GDAP1: variants seen among roughly 807,000 people sequenced by gnomAD.
The protein encoded by GDAP1 is ganglioside-induced differentiation-associated protein 1.
Under a neutral mutation model 40.1 loss-of-function variants are expected in GDAP1, and 34 were observed. The observed-to-expected ratio is 0.85, with a 90% CI of 0.64 to 1.13. The LOEUF (loss-of-function observed/expected upper bound fraction) is 1.13. GDAP1 is among the 50% of genes most tolerant of loss of function. GDAP1 has a pLI of 0.00. For synonymous variants in GDAP1, 170 were observed against 157.4 expected, an observed-to-expected ratio of 1.08 and a Z score of -0.60; for missense variants, 374 against 433.7, an observed-to-expected ratio of 0.86 and a Z score of 1.22.
chr8:74,415,758 T>C (rs1805770296), intron 2 of GDAP1, among the ~76,000 whole-genome samples: 2 of 149,964 alleles, frequency 1.3e-5, no homozygotes, highest in South Asian at 2.1e-4. Flanking sequence ...TTCCTGACCT[T>C]ACTTCACAGT....
intron 2 of GDAP1, among the ~76,000 whole-genome samples, chr8:74,449,828 T>G (rs1364892616): frequency 2.0e-5 from 3 of 151,790 alleles, no homozygotes; most frequent in Non-Finnish European, 3.0e-5. Context: ...TGTTGTAAAA[T>G]TTCTTTAAGT....
chr8:74,371,367 A>T (rs1243322114), downstream of GDAP1, among the ~76,000 whole-genome samples: 2 of 152,232 alleles, frequency 1.3e-5, no homozygotes, highest in Non-Finnish European at 1.5e-5. Flanking sequence ...TCATAAGGGA[A>T]TAAGAAAATA....
At chr8:74,488,058 G>A (rs1208452999) in intron 2 of GDAP1, among the ~76,000 whole-genome samples, 1 of 152,064 alleles carries the variant, frequency 6.6e-6, no homozygotes. Context: ...GCAATGTACT[G>A]CTTTTGCTAG....
At chr8:74,369,470 A>G (rs772807545), downstream of GDAP1, among the ~76,000 whole-genome samples, 2 of 152,160 alleles carry the variant, frequency 1.3e-5, no homozygotes, top group Non-Finnish European at 2.9e-5. Context: ...CATAAGTGAA[A>G]AATTCATTGG....
chr8:74,401,124 C>T (rs1218779754), intron 2 of GDAP1, among the ~76,000 whole-genome samples: 2 of 149,174 alleles, frequency 1.3e-5, no homozygotes, highest in African/African-American at 5.2e-5. Context: ...GGGAAGTTCT[C>T]CTGGATAATA....
chr8:74,423,636 TG>T (rs1222990864), intron 2 of GDAP1, among the ~76,000 whole-genome samples: 1 of 151,950 alleles, frequency 6.6e-6, no homozygotes, highest in African/African-American at 2.4e-5. Flanking sequence ...GATGCAAACG[TG>T]GGGTATCCTC....
intron 2 of GDAP1, among the ~76,000 whole-genome samples, chr8:74,459,573 G>A (rs992432012): frequency 6.6e-6 from 1 of 152,140 alleles, no homozygotes; most frequent in African/African-American, 2.4e-5. Flanking sequence ...GGGTGAATCA[G>A]GGTTTGTGGA....
chr8:74,351,545 C>G (rs1303895203), intron 2 of GDAP1, 79 bp downstream of exon 2: 2 of 1,039,366 alleles, frequency 1.9e-6, no homozygotes, highest in African/African-American at 1.6e-5. Flanking sequence ...TTCTCTCTCT[C>G]CTCTCTCTCT....
intron 2 of GDAP1, among the ~76,000 whole-genome samples, chr8:74,470,060 T>A (rs762902703): frequency 4.6e-5 from 7 of 152,210 alleles, no homozygotes; most frequent in African/African-American, 7.2e-5. Context: ...TTGGGGGACT[T>A]AGCTTTTATC....
At chr8:74,422,352 C>CTTTCCTTCCTTCCTT (rs1563465558) in intron 2 of GDAP1, among the ~76,000 whole-genome samples, 1 of 34,222 alleles carries the variant, frequency 2.9e-5, no homozygotes, top group Non-Finnish European at 6.1e-5. Flanking sequence ...TTTCTTTCTT[C>CTTTCCTTCCTTCCTT]CCTTCCTTCC....
Position 74,366,010 on chromosome 8 carries a change from G to A in GDAP1, c.*1643G>A. 4.4e-6 allele frequency: 2 copies of A among 451,250 alleles called. No individual in the cohort carries two copies. Among genetic ancestry groups the A allele is most frequent in the Non-Finnish European group, 8.8e-6 (2 of 226,104 alleles). The allele number at this position is 451,250 out of a possible 1,614,324, so 28.0% of individuals were successfully genotyped here. ...TGTCACTCTGTTAGAAACAAGAACT[G>A]AGTCGTGAAGAAATAAGAATTGGAT... On this transcript the variant is annotated 3_prime_UTR_variant, in exon 6 of 6. Transcript: ENST00000220822.
At chr8:74,478,010 C>T (rs970291636) in intron 2 of GDAP1, among the ~76,000 whole-genome samples, 2 of 151,704 alleles carry the variant, frequency 1.3e-5, no homozygotes, top group African/African-American at 2.4e-5. Context: ...TGCGCACATT[C>T]GAGTCAGTGG....
rs555185487 is a variant in GDAP1 at position 74,402,327 on chromosome 8, C to T, written c.165+51006C>T. ...CTCAGACAGCAGTGCTAGCAATCAG[C>T]GAGACTCCGTGGGCGTAGGACCCTC... On this transcript the variant is annotated intron_variant, in intron 2 of 2. Transcript: ENST00000523640. 4.0e-5 allele frequency among the ~76,000 whole-genome samples: 6 copies of T among 150,462 alleles called. 1 individual carries two copies. Among genetic ancestry groups the T allele is most frequent in the South Asian group, 4.1e-4 (2 of 4,828 alleles).
chr8:74,428,537 G>GC (rs1421448338), intron 2 of GDAP1, among the ~76,000 whole-genome samples: 1 of 149,610 alleles, frequency 6.7e-6, no homozygotes, highest in Non-Finnish European at 1.5e-5. Context: ...CATGATCTCG[G>GC]CCCCCTGCAA....
chr8:74,362,968 G>C lies in GDAP1; in HGVS notation c.609G>C (p.Lys203Asn). Residue 203 changes from lysine to asparagine, a missense_variant, in exon 5 of 6, where the codon AAG becomes AAC. By Grantham distance (94) the Lys-to-Asn change is moderately conservative. Coordinates refer to ENST00000220822, the MANE Select transcript of GDAP1 (RefSeq NM_018972.4). Reference protein sequence around the residue: ...KSKLLDHDNVKYLKKILDELE... With the variant: ...KSKLLDHDNVNYLKKILDELE... ...AGCTGCTTGATCATGACAATGTCAA[G>C]TATTTGAAGAAAATTCTTGATGAGT... is the stretch of plus-strand genomic sequence containing the variant. 1 of 1,567,234 alleles carries C rather than the reference G, an allele frequency of 6.4e-7. No homozygotes were observed. Among genetic ancestry groups the C allele is most frequent in the Non-Finnish European group, 8.8e-7 (1 of 1,137,360 alleles).
chr8:74,418,549 A>G (rs1448387982), intron 2 of GDAP1, among the ~76,000 whole-genome samples: 1 of 152,228 alleles, frequency 6.6e-6, no homozygotes, highest in African/African-American at 2.4e-5. Flanking sequence ...ACATATATAG[A>G]TGAACAACAA....
intron 2 of GDAP1, among the ~76,000 whole-genome samples, chr8:74,446,254 C>T (rs918564831): frequency 1.2e-4 from 18 of 152,112 alleles, no homozygotes; most frequent in African/African-American, 4.1e-4. Context: ...ATGGAAAAAG[C>T]CCTCATCAGA....
chr8:74,373,679 A>G (rs1386053472), intron 2 of GDAP1, among the ~76,000 whole-genome samples: 3 of 152,240 alleles, frequency 2.0e-5, no homozygotes, highest in South Asian at 2.1e-4. Context: ...GGGTTTTCTA[A>G]ATATATAATC....
chr8:74,355,047 T>C (rs973838357), intron 2 of GDAP1, among the ~76,000 whole-genome samples: 1 of 152,240 alleles, frequency 6.6e-6, no homozygotes, highest in Non-Finnish European at 1.5e-5. Context: ...TTTGTTTACA[T>C]TTACATATTT....
Sources: gnomAD v4.1 joint callset for allele counts (sites outside exome capture counted in the v4.1 genomes callset) on GRCh38, gnomAD v4.1.1 for gene constraint, MANE v1.5 for transcripts, NCBI Gene and HGNC (gene_info 2026-07-23, HGNC 2026-07-21) for gene names.